The following ADGRL4 variants were observed in gnomAD, a reference collection of about 807,000 sequenced individuals.
ADGRL4 encodes EGF, latrophilin and seven transmembrane domain containing 1.
A neutral mutation model predicts 74.8 loss-of-function variants in ADGRL4; 90 were observed. That is an observed-to-expected ratio of 1.20 (90% CI 1.02 to 1.43). The LOEUF is 1.43. Ranked by LOEUF, ADGRL4 falls within the 40% of genes most tolerant of loss-of-function variation. The probability of loss-of-function intolerance (pLI) is 0.00; values close to 1 mark genes in which losing one functional copy is unlikely to be tolerated. For synonymous variants in ADGRL4, 311 were observed against 279.2 expected (o/e 1.11, Z -1.14); for missense variants, 881 against 814.3 (o/e 1.08, Z -1.00).
chr1:78,971,857 G>C (rs1650176262), intron 2 of ADGRL4, among the ~76,000 whole-genome samples: 1 of 152,158 alleles, frequency 6.6e-6, no homozygotes, highest in Non-Finnish European at 1.5e-5. Context: ...CCAGGTTCAA[G>C]TGGTTCTCCT....
chr1:78,956,911 G>A (rs1203550557), intron 2 of ADGRL4, among the ~76,000 whole-genome samples: 1 of 152,088 alleles, frequency 6.6e-6, no homozygotes, highest in Admixed American at 6.6e-5. Context: ...TCAGCTCTGT[G>A]TCAATCAAGT....
intron 2 of ADGRL4, among the ~76,000 whole-genome samples, chr1:78,950,198 T>C (rs1002762520): frequency 1.3e-5 from 2 of 152,098 alleles, no homozygotes; most frequent in African/African-American, 4.8e-5. Context: ...TAATGAAGTA[T>C]AAGCAAGAGT....
At chr1:78,981,816 T>G (rs1650402210) in intron 2 of ADGRL4, among the ~76,000 whole-genome samples, 1 of 151,860 alleles carries the variant, frequency 6.6e-6, no homozygotes, top group South Asian at 2.1e-4. Flanking sequence ...AAACAAAGAT[T>G]AAATACAAAT....
intron 12 of ADGRL4, among the ~76,000 whole-genome samples, chr1:78,914,653 T>A (rs1557495496): frequency 6.6e-6 from 1 of 151,480 alleles, no homozygotes; most frequent in East Asian, 1.9e-4. Context: ...TTTTTTTTTC[T>A]TCAGGGACTG....
At chr1:78,956,359 T>C (rs1649829503) in intron 2 of ADGRL4, among the ~76,000 whole-genome samples, 1 of 152,182 alleles carries the variant, frequency 6.6e-6, no homozygotes, top group South Asian at 2.1e-4. Context: ...CACCTAGCCT[T>C]GCACATTTTA....
chr1:78,975,751 T>A (rs1381667394), intron 2 of ADGRL4, among the ~76,000 whole-genome samples: 2 of 151,816 alleles, frequency 1.3e-5, no homozygotes, highest in Non-Finnish European at 2.9e-5. Flanking sequence ...ATATATTTCA[T>A]AGATAATGGA....
In ADGRL4 at chr1:78,927,891, A is replaced by T. The variant is rs147797281; in HGVS notation, c.878-800T>A. ...AAAGGCACCTCAAGAGACATTGTTAAGAGCCTTGCTAAACCCAGATACATT... is the reference window on the plus strand; with the variant it reads ...AAAGGCACCTCAAGAGACATTGTTATGAGCCTTGCTAAACCCAGATACATT... On this transcript the variant is annotated intron_variant, in intron 7 of 14. Transcript: ENST00000370742. Among the ~76,000 whole-genome samples the T allele has an allele frequency of 4.0e-4, 61 of 152,168 alleles. No individual in the cohort carries two copies. The East Asian group carries it at 8.7e-3, about 22-fold the overall frequency.
At chr1:78,930,057 T>G (rs1160155300) in intron 7 of ADGRL4, among the ~76,000 whole-genome samples, 3 of 151,418 alleles carry the variant, frequency 2.0e-5, no homozygotes. Flanking sequence ...TAGTTATTTT[T>G]GCTTCATTTA....
chr1:78,939,176 T>G lies in ADGRL4; in HGVS notation c.396+12A>C. On this transcript the variant is annotated intron_variant, in intron 4 of 14. Transcript: ENST00000370742. ...TGTCAAAATAAAATAAATTGTTAAC[T>G]GTTCTACTTACTTTTGTTAAAGTTT... is the stretch of plus-strand genomic sequence containing the variant. The G allele has an allele frequency of 6.5e-7, 1 of 1,550,280 alleles. No homozygotes were observed. Among genetic ancestry groups the G allele is most frequent in the Non-Finnish European group, 8.7e-7 (1 of 1,153,168 alleles).
intron 2 of ADGRL4, among the ~76,000 whole-genome samples, chr1:78,990,229 G>T (rs1440187539): frequency 1.3e-5 from 2 of 151,762 alleles, no homozygotes; most frequent in Admixed American, 1.3e-4. Context: ...TCATACTTCA[G>T]AATTTTATTT....
At chr1:78,953,923 C>T (rs564870773) in intron 2 of ADGRL4, among the ~76,000 whole-genome samples, 2 of 152,254 alleles carry the variant, frequency 1.3e-5, no homozygotes, top group African/African-American at 4.8e-5. Flanking sequence ...CCAAGAAAGG[C>T]AATCATCTGA....
chr1:78,924,772 T>C (rs965902068), intron 8 of ADGRL4, among the ~76,000 whole-genome samples: 2 of 152,070 alleles, frequency 1.3e-5, no homozygotes, highest in Non-Finnish European at 2.9e-5. Context: ...AACACACCAA[T>C]TTATAGTATT....
intron 2 of ADGRL4, among the ~76,000 whole-genome samples, chr1:78,973,328 C>A (rs1021775520): frequency 2.0e-5 from 3 of 151,480 alleles, no homozygotes; most frequent in Non-Finnish European, 4.4e-5. Context: ...AGAGAGACTG[C>A]CTTCAGTTCT....
At chr1:78,915,652 G>C (rs1648855016) in intron 12 of ADGRL4, among the ~76,000 whole-genome samples, 1 of 151,796 alleles carries the variant, frequency 6.6e-6, no homozygotes, top group East Asian at 1.9e-4. Context: ...TTAATTGTAT[G>C]ACCCATGGGA....
At chr1:78,947,886 T>G (rs114574443) in intron 2 of ADGRL4, among the ~76,000 whole-genome samples, 4,835 of 152,204 alleles carry the variant, frequency 0.032, 97 homozygotes, top group South Asian at 0.053. Context: ...TTTTAAAGGG[T>G]GAGTTGTGTA....
In ADGRL4 at chr1:78,963,770, C is replaced by T. The variant is rs1285196378; in HGVS notation, c.173-17344G>A. ...TAAAAATCAAGGCCCCAAGAAATAA[C>T]TAAAGCATGTGAAGAAACAGTGTTT... On this transcript the variant is annotated intron_variant, in intron 2 of 14. Transcript: ENST00000370742. 4.6e-5 allele frequency among the ~76,000 whole-genome samples: 7 copies of T among 152,000 alleles called. No individual in the cohort carries two copies. In the South Asian group the frequency reaches 1.5e-3, roughly 32 times the overall value.
Position 78,936,372 on chromosome 1 carries a change from T to G in ADGRL4, c.800A>C (p.His267Pro). The G allele has an allele frequency of 6.3e-7, 1 of 1,579,110 alleles. No individual in the cohort carries two copies. Among genetic ancestry groups the G allele is most frequent in the Non-Finnish European group, 8.6e-7 (1 of 1,168,560 alleles). The stretch of plus-strand genomic sequence containing the variant: ...ATCCATATTCATATGAGGATGAATA[T>G]GTTTCATGTTATATGAATCAAAAAA... Reference protein sequence around the residue: ...VFFFDSYNMKHIHPHMNMDGD... With the variant: ...VFFFDSYNMKPIHPHMNMDGD... The change falls in exon 7 of 15, where the codon CAT becomes CCT. Residue 267 changes from histidine to proline, a missense_variant. Transcript: ENST00000370742.
intron 2 of ADGRL4, among the ~76,000 whole-genome samples, chr1:78,967,085 T>A (rs771702828): frequency 1.4e-4 from 22 of 152,170 alleles, no homozygotes; most frequent in Non-Finnish European, 2.9e-4. Context: ...ATCAAATATT[T>A]TTTAAAGGAA....
intron 3 of ADGRL4, among the ~76,000 whole-genome samples, chr1:78,941,260 G>GC (rs1649473753): frequency 6.6e-6 from 1 of 152,224 alleles, no homozygotes; most frequent in South Asian, 2.1e-4. Context: ...TCAGATGGTA[G>GC]TGCAGACTAG....
Sources: gnomAD v4.1 joint callset for allele counts (sites outside exome capture counted in the v4.1 genomes callset) on GRCh38, gnomAD v4.1.1 for gene constraint, MANE v1.5 for transcripts, NCBI Gene and HGNC (gene_info 2026-07-23, HGNC 2026-07-21) for gene names.